The following CRYBG3 variants were observed in gnomAD, a reference collection of about 807,000 sequenced individuals.
The protein encoded by CRYBG3 is crystallin beta-gamma domain containing 3.
Under a neutral mutation model 244.2 loss-of-function variants are expected in CRYBG3, and 127 were observed. That is an observed-to-expected ratio of 0.52 (90% confidence interval 0.45 to 0.60). The LOEUF (loss-of-function observed/expected upper bound fraction) is 0.60, where lower values mean the gene tolerates loss of function less well. CRYBG3 is among the 20% of genes least tolerant of loss of function. CRYBG3 has a pLI of 0.00. For synonymous variants in CRYBG3, 1,132 were observed against 1,195.8 expected (o/e 0.95, Z 1.10); for missense variants, 3,325 against 3,442.5 (o/e 0.97, Z 0.85).
At position 97,875,484 on chromosome 3, in the gene CRYBG3, C is replaced by T; in HGVS notation, c.4290C>T (p.Asp1430=). 7.7e-7 allele frequency: 1 copy of T among 1,307,168 alleles called. No individual in the cohort carries two copies. The highest frequency in any genetic ancestry group is 2.9e-5 in the East Asian group (1 of 34,060). 81.0% of individuals were successfully genotyped at this position (1,307,168 alleles called of 1,614,324 possible). Residue 1430 remains aspartate (D), a synonymous_variant, in exon 4 of 22, where the codon GAC becomes GAT. Coordinates refer to ENST00000389622, the MANE Select transcript of CRYBG3 (RefSeq NM_153605.4). The stretch of plus-strand genomic sequence containing the variant: ...CAGATACGGTTTTACTAGCTGAAGA[C>T]ATGTCACATAAACGGTTAGATGATA... ...QESDTVLLAE[D]MSHKRLDDRV...
chr3:97,908,901 A>G (rs1472383098), intron 15 of CRYBG3, among the ~76,000 whole-genome samples: 1 of 151,954 alleles, frequency 6.6e-6, no homozygotes, highest in African/African-American at 2.4e-5. Context: ...GTTCCTTTCC[A>G]TGTTTAGCGC....
rs1440399208 is a variant in CRYBG3, at chr3:97,881,052, T to C, written c.7005-20T>C. 2.6e-6 allele frequency: 4 copies of C among 1,562,506 alleles called. No homozygotes were observed. The highest frequency in any genetic ancestry group is 3.5e-6 in the Non-Finnish European group (4 of 1,158,548). ...TTAGAAAATTAAATATAACTCATCATTGCATTTCTCTTTGTTTAGCTGGAT... is the reference window on the plus strand; with the variant it reads ...TTAGAAAATTAAATATAACTCATCACTGCATTTCTCTTTGTTTAGCTGGAT... On this transcript the variant is annotated intron_variant, in intron 6 of 21. Coordinates refer to ENST00000389622, the MANE Select transcript of CRYBG3 (RefSeq NM_153605.4).
intron 17 of CRYBG3, among the ~76,000 whole-genome samples, chr3:97,917,245 CA>C (rs1486451261): frequency 2.0e-5 from 3 of 151,768 alleles, no homozygotes; most frequent in Admixed American, 6.6e-5. Flanking sequence ...TGAAAATAAA[CA>C]GAGATGTTTT....
chr3:97,833,586 G>A (rs1017799917), intron 1 of CRYBG3, among the ~76,000 whole-genome samples: 1 of 152,036 alleles, frequency 6.6e-6, no homozygotes, highest in Non-Finnish European at 1.5e-5. Flanking sequence ...GGTGTCTAGG[G>A]GAGGGATAGC....
chr3:97,864,628 G>A lies in CRYBG3; in HGVS notation c.628G>A (p.Glu210Lys). The A allele has an allele frequency of 3.3e-6, 5 of 1,517,160 alleles. No individual in the cohort carries two copies. The highest frequency in any genetic ancestry group is 4.4e-6 in the Non-Finnish European group (5 of 1,138,884). 94.0% of individuals were successfully genotyped at this position (1,517,160 alleles called of 1,614,324 possible). The change falls in exon 3 of 22, where the codon GAA (glutamate) becomes AAA (lysine). Residue 210 changes from glutamate (E) to lysine (K), a missense_variant. By Grantham distance (56) the Glu-to-Lys change is moderately conservative. Coordinates refer to ENST00000389622, the MANE Select transcript of CRYBG3 (RefSeq NM_153605.4). ...GGATACAACACAAGACAGTGACCAA[G>A]AAACCACTAATTTGCTAAAGTAAGT... is the stretch of plus-strand genomic sequence containing the variant. The part of the protein sequence containing the change: ...SLDTTQDSDQ[E>K]TTNLLKQIDG...
chr3:97,832,942 C>T (rs930338723), intron 1 of CRYBG3, among the ~76,000 whole-genome samples: 1 of 152,090 alleles, frequency 6.6e-6, no homozygotes, highest in Non-Finnish European at 1.5e-5. Context: ...GACATTTATG[C>T]GGCCAATGAG....
At chr3:97,860,776 T>C (rs981980360) in intron 2 of CRYBG3, among the ~76,000 whole-genome samples, 9 of 152,302 alleles carry the variant, frequency 5.9e-5, no homozygotes, top group Non-Finnish European at 1.2e-4. Context: ...CTCTATCTCT[T>C]TCACTGGTTT....
At chr3:97,864,738 T>A (rs2039202077) in intron 3 of CRYBG3, 91 bp downstream of exon 3, 1 of 857,128 alleles carries the variant, frequency 1.2e-6, no homozygotes, top group Admixed American at 2.8e-5. Flanking sequence ...TTGGTGGGAT[T>A]GGAAAAGATA....
chr3:97,915,365 A>C (rs542481215), intron 16 of CRYBG3, among the ~76,000 whole-genome samples: 1 of 152,292 alleles, frequency 6.6e-6, no homozygotes, highest in Non-Finnish European at 1.5e-5. Context: ...TTCCTAACTC[A>C]TAGAATTATT....
chr3:97,913,731 G>A (rs2039898194), intron 16 of CRYBG3, among the ~76,000 whole-genome samples: 1 of 152,138 alleles, frequency 6.6e-6, no homozygotes, highest in South Asian at 2.1e-4. Context: ...GCCAGCAGGT[G>A]TCATTTGTTT....
At chr3:97,900,042 G>A (rs926458030) in intron 14 of CRYBG3, among the ~76,000 whole-genome samples, 32 of 152,144 alleles carry the variant, frequency 2.1e-4, no homozygotes, top group African/African-American at 7.2e-4. Flanking sequence ...TCATAAATAG[G>A]TCAAACCATG....
intron 2 of CRYBG3, among the ~76,000 whole-genome samples, chr3:97,856,542 A>G (rs1412468766): frequency 1.3e-5 from 2 of 152,234 alleles, no homozygotes; most frequent in Non-Finnish European, 2.9e-5. Flanking sequence ...ATAAGAAATT[A>G]TAAAAGTATT....
Position 97,877,732 on chromosome 3 carries a change from A to G in CRYBG3, c.6538A>G (p.Ile2180Val), listed in dbSNP as rs1576539713. The change falls in exon 4 of 22, where the codon ATC (isoleucine) becomes GTC (valine). Residue 2180 changes from isoleucine (I) to valine (V), a missense_variant. Coordinates refer to ENST00000389622, the MANE Select transcript of CRYBG3 (RefSeq NM_153605.4). ...TACCTTCCAGTTGCCAGATCCTTCC[A>G]TCACATTTTACCCTGATGACCAGGA... ...RVTFQLPDPS[I>V]TFYPDDQESV... is the part of the protein sequence containing the mutation. 6.2e-7 allele frequency: 1 copy of G among 1,614,168 alleles called. No homozygotes were observed. Among genetic ancestry groups the G allele is most frequent in the Non-Finnish European group, 8.5e-7 (1 of 1,180,026 alleles).
chr3:97,850,717 A>G (rs2038972407), intron 2 of CRYBG3, among the ~76,000 whole-genome samples: 2 of 152,224 alleles, frequency 1.3e-5, no homozygotes, highest in Admixed American at 1.3e-4. Flanking sequence ...AGGAGTATAA[A>G]CAGTTCATCT....
Position 97,877,030 on chromosome 3 carries a change from G to A in CRYBG3, c.5836G>A (p.Ala1946Thr), listed in dbSNP as rs1445596007. The A allele has an allele frequency of 3.2e-6, 5 of 1,579,772 alleles. No individual in the cohort carries two copies. The East Asian group carries it at 1.1e-4, about 35-fold the overall frequency. The change falls in exon 4 of 22, where the codon GCC (alanine) becomes ACC (threonine). Residue 1946 changes from alanine (A) to threonine (T), a missense_variant. Ala to Thr is a moderately conservative substitution (Grantham distance 58). This residue lies in a region of CRYBG3 where 450 missense variants were observed against 424.1 expected (regional missense o/e 1.06). Coordinates refer to ENST00000389622, the MANE Select transcript of CRYBG3 (RefSeq NM_153605.4). The part of the protein sequence containing the change: ...TLSKDYEGYP[A>T]PAMPDFQPGD... Reference sequence around the variant, plus strand: ...AAGTAAGGATTATGAGGGCTACCCAGCCCCAGCAATGCCAGATTTTCAACC... The same window carrying A: ...AAGTAAGGATTATGAGGGCTACCCAACCCCAGCAATGCCAGATTTTCAACC...
rs1188084722 is a variant in CRYBG3, at chr3:97,874,609, G to T, written c.3415G>T (p.Asp1139Tyr). 2 of 1,536,022 alleles carry T rather than the reference G, an allele frequency of 1.3e-6. No homozygotes were observed. The highest frequency in any genetic ancestry group is 2.7e-5 in the African/African-American group (2 of 73,152). ...FGIYTGKISI[D>Y]FPTAAQFDNL... ...GATTTATACTGGGAAGATATCCATTGATTTCCCAACTGCTGCCCAATTTGA... is the reference window on the plus strand; with the variant it reads ...GATTTATACTGGGAAGATATCCATTTATTTCCCAACTGCTGCCCAATTTGA... Residue 1139 changes from aspartate to tyrosine, a missense_variant, in exon 4 of 22, where the codon GAT (aspartate) becomes TAT (tyrosine). Coordinates refer to ENST00000389622, the MANE Select transcript of CRYBG3 (RefSeq NM_153605.4).
At chr3:97,856,368 A>G (rs991187500) in intron 2 of CRYBG3, among the ~76,000 whole-genome samples, 4 of 152,128 alleles carry the variant, frequency 2.6e-5, no homozygotes, top group Non-Finnish European at 5.9e-5. Context: ...AGTTAATGCA[A>G]TTATCACATG....
In CRYBG3 at chr3:97,877,837, G is replaced by T; in HGVS notation, c.6643G>T (p.Glu2215Ter). Residue 2215 changes from glutamate (E) to a stop codon, truncating the protein, a stop_gained, in exon 4 of 22, where the codon GAA becomes TAA. Coordinates refer to ENST00000389622, the MANE Select transcript of CRYBG3 (RefSeq NM_153605.4). LOFTEE classifies it high-confidence loss of function. ...TSNLQVGLWPEKTSFLQKSDL... is the reference protein window; with the variant it reads ...TSNLQVGLWP ...CAATCTGCAAGTTGGTCTGTGGCCA[G>T]AAAAGACCTCGTTTCTCCAGAAATC... 6.2e-7 allele frequency: 1 copy of T among 1,614,106 alleles called. No individual in the cohort carries two copies. The highest frequency in any genetic ancestry group is 8.5e-7 in the Non-Finnish European group (1 of 1,179,998).
intron 2 of CRYBG3, among the ~76,000 whole-genome samples, chr3:97,861,612 G>T (rs900158163): frequency 2.0e-5 from 3 of 152,100 alleles, no homozygotes; most frequent in Non-Finnish European, 2.9e-5. Flanking sequence ...CATTCATATA[G>T]TATACACATA....
Sources: allele counts gnomAD v4.1 joint callset (sites outside exome capture counted in the v4.1 genomes callset), GRCh38; gene constraint gnomAD v4.1.1; regional missense constraint gnomAD v4.1.1; transcripts MANE v1.5; gene names NCBI Gene and HGNC (gene_info 2026-07-23, HGNC 2026-07-21).